RAD54L2: variants seen among roughly 807,000 people sequenced by gnomAD.
The protein encoded by RAD54L2 is helicase ARIP4.
In RAD54L2, 27 loss-of-function variants were observed where a neutral mutation model predicts 138.4. The observed-to-expected ratio is 0.20, with a 90% CI of 0.14 to 0.27. The LOEUF (loss-of-function observed/expected upper bound fraction) is 0.27. Among genes scored for constraint, RAD54L2 ranks in the 10% least tolerant of loss-of-function variants. The probability of loss-of-function intolerance (pLI) is 1.00; values close to 1 mark genes in which losing one functional copy is unlikely to be tolerated. For synonymous variants in RAD54L2, 644 were observed against 723.2 expected (o/e 0.89, Z 1.76); for missense variants, 1,396 against 1,890.2 (o/e 0.74, Z 4.85).
At chr3:51,551,363 G>A (rs1698832877) in intron 2 of RAD54L2, among the ~76,000 whole-genome samples, 1 of 151,392 alleles carries the variant, frequency 6.6e-6, no homozygotes, top group South Asian at 2.1e-4. Flanking sequence ...GAACTCCTGG[G>A]CTCAAGTGAT....
intron 2 of RAD54L2, among the ~76,000 whole-genome samples, chr3:51,560,995 T>G (rs935326947): frequency 6.6e-6 from 1 of 152,200 alleles, no homozygotes; most frequent in Non-Finnish European, 1.5e-5. Flanking sequence ...TTTTAAGCAT[T>G]AACATTCTAT....
At chr3:51,596,312 A>G (rs897901090) in intron 3 of RAD54L2, among the ~76,000 whole-genome samples, 3 of 150,920 alleles carry the variant, frequency 2.0e-5, no homozygotes, top group Non-Finnish European at 4.4e-5. Flanking sequence ...GCCCAGACCA[A>G]GAGAGATGTC....
chr3:51,602,737 A>C (rs926697704), intron 3 of RAD54L2, among the ~76,000 whole-genome samples: 6 of 152,218 alleles, frequency 3.9e-5, no homozygotes, highest in Non-Finnish European at 8.8e-5. Flanking sequence ...TGTCGTGGGC[A>C]TTGGGAATGG....
At position 51,587,345 on chromosome 3, in the gene RAD54L2, G is replaced by A. The variant is rs181675076; in HGVS notation, c.-54-3022G>A. ...TTTTGATCTCCTGACCTCGTGATCC[G>A]CCTGCCTCGGCCTCCCAAAGTGCTG... On this transcript the variant is annotated intron_variant, in intron 2 of 22. Coordinates refer to ENST00000684192, the MANE Select transcript of RAD54L2 (RefSeq NM_015106.4). Among the ~76,000 whole-genome samples, 10 of 152,096 alleles carry A rather than the reference G, an allele frequency of 6.6e-5. No individual in the cohort carries two copies. In the East Asian group the frequency reaches 1.9e-3, roughly 29 times the overall value.
At position 51,595,469 on chromosome 3, in the gene RAD54L2, A is replaced by G. The variant is rs1699939664; in HGVS notation, c.139+4910A>G. ...TGAGATCTTTTACAAAGGTGGGATGAACAGGATAGGGAGTGGATGGGGGAG... is the reference window on the plus strand; with the variant it reads ...TGAGATCTTTTACAAAGGTGGGATGGACAGGATAGGGAGTGGATGGGGGAG... On this transcript the variant is annotated intron_variant, in intron 3 of 22. Transcript: ENST00000684192. 2.0e-5 allele frequency among the ~76,000 whole-genome samples: 3 copies of G among 152,192 alleles called. No homozygotes were observed. In the South Asian group the frequency reaches 6.2e-4, roughly 32 times the overall value.
intron 19 of RAD54L2, 108 bp from the exon 20 acceptor site, chr3:51,655,863 A>G (rs975687265): frequency 3.2e-6 from 3 of 933,924 alleles, no homozygotes; most frequent in Non-Finnish European, 4.9e-6. Flanking sequence ...TTCTCTGAGC[A>G]TCAACTGATG....
At chr3:51,595,642 C>T (rs902090433) in intron 3 of RAD54L2, among the ~76,000 whole-genome samples, 1 of 152,136 alleles carries the variant, frequency 6.6e-6, no homozygotes, top group Non-Finnish European at 1.5e-5. Flanking sequence ...AGCACCATGA[C>T]TTTGTCTTCA....
intron 5 of RAD54L2, 65 bp downstream of exon 5, chr3:51,629,538 G>T: frequency 6.4e-7 from 1 of 1,572,524 alleles, no homozygotes; most frequent in South Asian, 1.2e-5. Flanking sequence ...GGTGCACACA[G>T]TGGTCAAAAG....
At chr3:51,611,710 C>G (rs1309216014) in intron 3 of RAD54L2, 4 of 152,080 alleles carry the variant, frequency 2.6e-5, no homozygotes. Flanking sequence ...AGGTGCCAGC[C>G]ACCACGCCCG....
Position 51,624,712 on chromosome 3 carries a change from G to A in RAD54L2, c.140-2841G>A, listed in dbSNP as rs577735135. Among the ~76,000 whole-genome samples, 5 of 152,334 alleles carry A rather than the reference G, an allele frequency of 3.3e-5. No homozygotes were observed. The East Asian group carries it at 9.6e-4, about 29-fold the overall frequency. On this transcript the variant is annotated intron_variant, in intron 3 of 22. Coordinates refer to ENST00000684192, the MANE Select transcript of RAD54L2 (RefSeq NM_015106.4). ...CACACTCCATCAGTCTGGCTCCAGT[G>A]TCCTTACTGAACCCCTATGCCATGT... is the stretch of plus-strand genomic sequence containing the variant.
Position 51,633,565 on chromosome 3 carries a change from G to A in RAD54L2, c.826-12G>A, listed in dbSNP as rs200697003. 1,681 of 1,610,158 alleles carry A rather than the reference G, an allele frequency of 1.0e-3. 7 individuals carry two copies. Among genetic ancestry groups the A allele is most frequent in the South Asian group, 4.2e-3 (380 of 90,914 alleles). On this transcript the variant is annotated splice_polypyrimidine_tract_variant and intron_variant, in intron 7 of 22. Transcript: ENST00000684192. ...GTGAGCCCCTCTGACATTTGTCTTT[G>A]TCCCTTGTCAGATTGGCGGGATCCG...
At chr3:51,582,318 T>C (rs6806509) in intron 2 of RAD54L2, among the ~76,000 whole-genome samples, 16,511 of 152,238 alleles carry the variant, frequency 0.11, 1,169 homozygotes, top group Middle Eastern at 0.19. Flanking sequence ...ACAAAGCCTT[T>C]GTTCACAAGC....
intron 2 of RAD54L2, among the ~76,000 whole-genome samples, chr3:51,567,611 A>G (rs1205818565): frequency 2.0e-5 from 3 of 152,208 alleles, no homozygotes; most frequent in Non-Finnish European, 4.4e-5. Flanking sequence ...TAGCAGCAGC[A>G]CTAAAGGTGT....
chr3:51,639,950 C>T lies in RAD54L2; in HGVS notation c.2182C>T (p.His728Tyr). 1 of 1,612,340 alleles carries T rather than the reference C, an allele frequency of 6.2e-7. No homozygotes were observed. The highest frequency in any genetic ancestry group is 1.1e-5 in the South Asian group (1 of 90,780). The change falls in exon 14 of 23, where the codon CAC becomes TAC. Residue 728 changes from histidine (H) to tyrosine (Y), a missense_variant. Coordinates refer to ENST00000684192, the MANE Select transcript of RAD54L2 (RefSeq NM_015106.4). Reference sequence around the variant, plus strand: ...CTCTCCCAAGATGGTACTGCTTTTCCACCTGATTGAGGAAAGTGTGAAGCT... The same window carrying T: ...CTCTCCCAAGATGGTACTGCTTTTCTACCTGATTGAGGAAAGTGTGAAGCT... ...ENSPKMVLLF[H>Y]LIEESVKLGD... is the part of the protein sequence containing the mutation.
intron 3 of RAD54L2, among the ~76,000 whole-genome samples, chr3:51,621,903 C>T (rs1700577305): frequency 6.6e-6 from 1 of 152,124 alleles, no homozygotes; most frequent in African/African-American, 2.4e-5. Context: ...GATATCCTCT[C>T]TTGGGGAGTC....
At chr3:51,561,697 G>A (rs1331398441) in intron 2 of RAD54L2, among the ~76,000 whole-genome samples, 3 of 151,856 alleles carry the variant, frequency 2.0e-5, no homozygotes, top group Non-Finnish European at 2.9e-5. Flanking sequence ...GAGGAGTTGG[G>A]ACCACAGGAG....
chr3:51,607,510 T>C (rs900003791), intron 3 of RAD54L2, among the ~76,000 whole-genome samples: 6 of 152,258 alleles, frequency 3.9e-5, no homozygotes, highest in Admixed American at 6.5e-5. Context: ...TACTTCTTTC[T>C]ACACAGACAC....
At chr3:51,606,598 A>G (rs1700185310) in intron 3 of RAD54L2, among the ~76,000 whole-genome samples, 1 of 152,172 alleles carries the variant, frequency 6.6e-6, no homozygotes, top group Non-Finnish European at 1.5e-5. Context: ...GCACCATTAC[A>G]GCGTGGCCCC....
chr3:51,602,215 C>A (rs566316269), intron 3 of RAD54L2, among the ~76,000 whole-genome samples: 1 of 152,110 alleles, frequency 6.6e-6, no homozygotes, highest in Non-Finnish European at 1.5e-5. Flanking sequence ...TATGAACATT[C>A]ATGTACAAGT....
Sources: gnomAD v4.1 joint callset for allele counts (sites outside exome capture counted in the v4.1 genomes callset) on GRCh38, gnomAD v4.1.1 for gene constraint, MANE v1.5 for transcripts, NCBI Gene and HGNC (gene_info 2026-07-23, HGNC 2026-07-21) for gene names.